The following ZNF407 variants were observed in gnomAD, a reference collection of about 807,000 sequenced individuals.
ZNF407 encodes zinc finger protein 407.
A neutral mutation model predicts 131.2 loss-of-function variants in ZNF407; 17 were observed. That is an observed-to-expected ratio of 0.13 (90% CI 0.09 to 0.19). ZNF407 has a LOEUF of 0.19. Ranked by LOEUF, ZNF407 falls within the 10% of genes least tolerant of loss-of-function variation. The probability of loss-of-function intolerance (pLI) is 1.00; values close to 1 mark genes in which losing one functional copy is unlikely to be tolerated. For missense variants in ZNF407, 2,681 were observed against 2,830.6 expected (o/e 0.95, Z 1.20); for synonymous variants, 1,156 against 1,062.0 (o/e 1.09, Z -1.72).
At chr18:74,787,526 G>A (rs1969742779) in intron 4 of ZNF407, among the ~76,000 whole-genome samples, 1 of 152,154 alleles carries the variant, frequency 6.6e-6, no homozygotes, top group Non-Finnish European at 1.5e-5. Context: ...TCTGCGGGGT[G>A]GAGAGCCTTC....
intron 8 of ZNF407, among the ~76,000 whole-genome samples, chr18:74,974,257 C>A (rs1487260549): frequency 6.6e-6 from 1 of 152,180 alleles, no homozygotes; most frequent in Non-Finnish European, 1.5e-5. Context: ...TGCCCTATGA[C>A]TTGCTGCTGC....
At chr18:74,766,517 T>C (rs1969237546) in intron 3 of ZNF407, among the ~76,000 whole-genome samples, 1 of 152,234 alleles carries the variant, frequency 6.6e-6, no homozygotes, top group Non-Finnish European at 1.5e-5. Flanking sequence ...CATACTGGTA[T>C]TTCTCTGCTG....
intron 8 of ZNF407, among the ~76,000 whole-genome samples, chr18:74,975,314 T>G (rs1972516241): frequency 6.6e-6 from 1 of 152,242 alleles, no homozygotes; most frequent in Admixed American, 6.5e-5. Flanking sequence ...GTTAGGCATT[T>G]AAATATTCTG....
intron 8 of ZNF407, among the ~76,000 whole-genome samples, chr18:74,965,893 T>G (rs1972403926): frequency 6.6e-6 from 1 of 152,368 alleles, no homozygotes; most frequent in South Asian, 2.1e-4. Context: ...TAGTTTTGAT[T>G]TACATTTTGA....
At chr18:74,697,555 T>C (rs533503835) in intron 3 of ZNF407, among the ~76,000 whole-genome samples, 17 of 152,300 alleles carry the variant, frequency 1.1e-4, no homozygotes, top group African/African-American at 3.8e-4. Context: ...ATAAACGTTA[T>C]GATTGCTTTC....
chr18:74,818,703 A>G (rs1033951277), intron 4 of ZNF407, among the ~76,000 whole-genome samples: 1 of 152,226 alleles, frequency 6.6e-6, no homozygotes, highest in Non-Finnish European at 1.5e-5. Flanking sequence ...GAGAAATATC[A>G]CACATATTTG....
intron 8 of ZNF407, among the ~76,000 whole-genome samples, chr18:74,976,511 CAGTT>C (rs1294049399): frequency 2.2e-4 from 33 of 152,154 alleles, no homozygotes; most frequent in Admixed American, 2.1e-3. Flanking sequence ...CCTGTGCTGT[CAGTT>C]AGGGCAATTG....
intron 8 of ZNF407, among the ~76,000 whole-genome samples, chr18:74,954,395 C>T (rs1156723852): frequency 6.6e-6 from 1 of 151,948 alleles, no homozygotes; most frequent in Non-Finnish European, 1.5e-5. Context: ...ATGATTATGT[C>T]AATACAGATA....
intron 7 of ZNF407, among the ~76,000 whole-genome samples, chr18:74,900,065 G>A (rs1804570209): frequency 6.6e-6 from 1 of 152,182 alleles, no homozygotes; most frequent in Non-Finnish European, 1.5e-5. Context: ...GTACTTTAAT[G>A]TTTATGTGCC....
At chr18:74,809,962 G>A (rs1302938048) in intron 4 of ZNF407, among the ~76,000 whole-genome samples, 1 of 152,234 alleles carries the variant, frequency 6.6e-6, no homozygotes, top group Admixed American at 6.5e-5. Flanking sequence ...GAGGAATTAT[G>A]TGGATGTGAT....
intron 8 of ZNF407, among the ~76,000 whole-genome samples, chr18:74,936,439 GTGTT>G (rs1162839117): frequency 2.0e-5 from 3 of 152,184 alleles, no homozygotes; most frequent in Non-Finnish European, 2.9e-5. Context: ...TTTTATCTGA[GTGTT>G]TGTTTAGTGA....
At chr18:74,712,008 C>T (rs1361620909) in intron 3 of ZNF407, among the ~76,000 whole-genome samples, 1 of 152,202 alleles carries the variant, frequency 6.6e-6, no homozygotes, top group African/African-American at 2.4e-5. Context: ...CTGCCTCCCG[C>T]CCTTATTAGT....
At chr18:74,681,632 C>G (rs1208686729) in intron 3 of ZNF407, among the ~76,000 whole-genome samples, 1 of 152,164 alleles carries the variant, frequency 6.6e-6, no homozygotes, top group Non-Finnish European at 1.5e-5. Context: ...ACATTGTAAG[C>G]TGTTTCCTGA....
At chr18:74,693,114 T>C (rs1044794528) in intron 3 of ZNF407, among the ~76,000 whole-genome samples, 2 of 152,212 alleles carry the variant, frequency 1.3e-5, no homozygotes, top group Non-Finnish European at 2.9e-5. Flanking sequence ...TTTCTTCCTA[T>C]CCATTTGTGC....
rs1463179453 is a variant in ZNF407 at position 74,852,197 on chromosome 18, ACGCACG to A, written c.4878-24998_4878-24993del. ...CACACACACACACACACACACACAC[ACGCACG>A]CACGCACGCGCACGCGCGCGCGCAT... On this transcript the variant is annotated intron_variant, in intron 4 of 8. Transcript: ENST00000299687. Among the ~76,000 whole-genome samples the A allele has an allele frequency of 6.8e-3, 480 of 70,212 alleles. 2 individuals carry two copies. Among genetic ancestry groups the A allele is most frequent in the African/African-American group, 0.022 (367 of 17,032 alleles). The allele number at this position is 70,212 out of a possible 152,430, so 46.1% of individuals were successfully genotyped here. A position where few individuals can be genotyped will look rare whatever the true frequency, so the allele number is the denominator to read the frequency against.
intron 4 of ZNF407, among the ~76,000 whole-genome samples, chr18:74,800,574 T>G (rs1474105735): frequency 6.6e-6 from 1 of 152,150 alleles, no homozygotes; most frequent in Non-Finnish European, 1.5e-5. Context: ...GCCTTCCTAA[T>G]TATTTAAATT....
At chr18:74,861,664 T>C (rs976554436) in intron 4 of ZNF407, among the ~76,000 whole-genome samples, 3 of 152,232 alleles carry the variant, frequency 2.0e-5, no homozygotes, top group Non-Finnish European at 2.9e-5. Context: ...CGATAACGAT[T>C]GAATAATTGT....
chr18:75,042,774 A>G (rs1341716647), intron 8 of ZNF407, among the ~76,000 whole-genome samples: 2 of 152,082 alleles, frequency 1.3e-5, no homozygotes, highest in East Asian at 3.9e-4. Flanking sequence ...GGCTGTCCCT[A>G]TAGTTTTGTC....
chr18:74,995,649 A>T (rs1035480605), intron 8 of ZNF407, among the ~76,000 whole-genome samples: 1 of 152,108 alleles, frequency 6.6e-6, no homozygotes, highest in Non-Finnish European at 1.5e-5. Flanking sequence ...TTTTTAATGA[A>T]ATCATTTGGA....
Sources: allele counts gnomAD v4.1 joint callset (sites outside exome capture counted in the v4.1 genomes callset), GRCh38; gene constraint gnomAD v4.1.1; transcripts MANE v1.5; gene names NCBI Gene and HGNC (gene_info 2026-07-23, HGNC 2026-07-21).